UMAD1: variants seen among roughly 807,000 people sequenced by gnomAD.
UMAD1 encodes the protein UBAP1-MVB12-associated (UMA) domain containing 1.
UMAD1 carries 8 observed loss-of-function variants against 6.1 expected under a neutral mutation model. That is an observed-to-expected ratio of 1.30 (90% CI 0.76 to 2.35). UMAD1 has a LOEUF of 2.35. UMAD1 is among the 30% of genes most tolerant of loss of function. UMAD1 has a pLI of 0.00. For synonymous variants in UMAD1, 56 were observed against 31.4 expected (o/e 1.78, Z -2.61); for missense variants, 130 against 78.4 (o/e 1.66, Z -2.49).
intron 3 of UMAD1, among the ~76,000 whole-genome samples, chr7:7,803,123 G>A (rs919925321): frequency 6.6e-6 from 1 of 152,164 alleles, no homozygotes; most frequent in Non-Finnish European, 1.5e-5. Context: ...TAGGACACAA[G>A]GACATAGAAA....
intron 2 of UMAD1, among the ~76,000 whole-genome samples, chr7:7,745,563 A>G (rs993176781): frequency 1.4e-5 from 2 of 148,128 alleles, no homozygotes; most frequent in Non-Finnish European, 3.0e-5. Flanking sequence ...GAATAAATAT[A>G]AGATGGAAGC....
intron 3 of UMAD1, among the ~76,000 whole-genome samples, chr7:7,818,025 T>A (rs1401904312): frequency 6.6e-6 from 1 of 152,158 alleles, no homozygotes; most frequent in Non-Finnish European, 1.5e-5. Flanking sequence ...GCACAGGATG[T>A]GCAGGTTTGT....
intron 1 of UMAD1, among the ~76,000 whole-genome samples, chr7:7,657,144 C>T (rs1785362611): frequency 6.6e-6 from 1 of 152,102 alleles, no homozygotes; most frequent in African/African-American, 2.4e-5. Flanking sequence ...ATATCTTCTG[C>T]CCACTTTTTG....
At chr7:7,668,818 A>G (rs1426125334) in intron 1 of UMAD1, among the ~76,000 whole-genome samples, 1 of 152,246 alleles carries the variant, frequency 6.6e-6, no homozygotes, top group Non-Finnish European at 1.5e-5. Context: ...TAAGTGCTAC[A>G]GCTGGCCAGA....
chr7:7,801,823 A>G (rs1399754501), intron 3 of UMAD1, 80 bp downstream of exon 3: 3 of 695,728 alleles, frequency 4.3e-6, no homozygotes, highest in Non-Finnish European at 8.0e-6. Flanking sequence ...GATAAATAGT[A>G]ACTTCTGCTC....
intron 1 of UMAD1, among the ~76,000 whole-genome samples, chr7:7,653,671 G>A (rs1294531420): frequency 5.9e-5 from 9 of 152,224 alleles, no homozygotes; most frequent in Non-Finnish European, 8.8e-5. Flanking sequence ...GAAGTCTGAC[G>A]CTCCCAGACC....
At chr7:7,809,405 A>T (rs1782981827) in intron 3 of UMAD1, among the ~76,000 whole-genome samples, 1 of 151,928 alleles carries the variant, frequency 6.6e-6, no homozygotes, top group South Asian at 2.1e-4. Context: ...ATTTCTTTTT[A>T]AAAACTTTTA....
intron 3 of UMAD1, among the ~76,000 whole-genome samples, chr7:7,875,888 G>A (rs1414516106): frequency 1.3e-5 from 2 of 152,094 alleles, no homozygotes; most frequent in Non-Finnish European, 2.9e-5. Flanking sequence ...ACCAGCTTGG[G>A]CAACATAGTG....
chr7:7,816,569 T>C (rs779925750), intron 3 of UMAD1, among the ~76,000 whole-genome samples: 2 of 152,284 alleles, frequency 1.3e-5, no homozygotes, highest in Non-Finnish European at 2.9e-5. Flanking sequence ...AGGACATTCT[T>C]TGGGACAAAG....
intron 2 of UMAD1, among the ~76,000 whole-genome samples, chr7:7,748,481 A>G (rs1009976842): frequency 1.3e-5 from 2 of 152,120 alleles, no homozygotes; most frequent in Non-Finnish European, 2.9e-5. Flanking sequence ...AGATTGGAAT[A>G]TAAATTAATC....
intron 3 of UMAD1, among the ~76,000 whole-genome samples, chr7:7,843,414 G>A (rs879751786): frequency 2.4e-4 from 37 of 152,170 alleles, no homozygotes; most frequent in Non-Finnish European, 5.0e-4. Flanking sequence ...AAGATTGTTA[G>A]AACTTAGAGT....
intron 3 of UMAD1, among the ~76,000 whole-genome samples, chr7:7,869,020 C>T (rs1409723108): frequency 6.6e-6 from 1 of 152,290 alleles, no homozygotes; most frequent in South Asian, 2.1e-4. Flanking sequence ...TATGATTTCT[C>T]CCAAGTGAAA....
chr7:7,723,008 C>T (rs1781077889), intron 2 of UMAD1, among the ~76,000 whole-genome samples: 1 of 149,040 alleles, frequency 6.7e-6, no homozygotes, highest in African/African-American at 2.5e-5. Flanking sequence ...AGGAGATAAA[C>T]CCTGCACTGC....
chr7:7,784,511 ATTT>A (rs531022882), intron 2 of UMAD1, among the ~76,000 whole-genome samples: 5,834 of 135,724 alleles, frequency 0.043, 402 homozygotes, highest in African/African-American at 0.15. Flanking sequence ...AATTTTTTGT[ATTT>A]TTTTTTTTTT....
chr7:7,723,203 C>T (rs1282079228), intron 2 of UMAD1, among the ~76,000 whole-genome samples: 1 of 152,146 alleles, frequency 6.6e-6, no homozygotes, highest in African/African-American at 2.4e-5. Context: ...TTGAGAAGAA[C>T]TGCTTAAATT....
chr7:7,871,587 C>T (rs934206728), intron 3 of UMAD1, among the ~76,000 whole-genome samples: 2 of 152,118 alleles, frequency 1.3e-5, no homozygotes, highest in African/African-American at 4.8e-5. Context: ...CACAGTGTTC[C>T]GTATATGCTA....
At chr7:7,782,467 G>A (rs907928149) in intron 2 of UMAD1, among the ~76,000 whole-genome samples, 6 of 152,000 alleles carry the variant, frequency 3.9e-5, no homozygotes, top group East Asian at 3.9e-4. Flanking sequence ...TGTCTAAGTC[G>A]TGTGTCTACA....
In UMAD1 at chr7:7,812,057, A is replaced by T. The variant is rs12702654; in HGVS notation, c.156+10314A>T. ...TTCAAATTTGTACATTTTTGTTACC[A>T]CAACATCTGTATCCTAACTTCACCT... On this transcript the variant is annotated intron_variant, in intron 3 of 3. Transcript: ENST00000682710. Among the ~76,000 whole-genome samples, 3 of 152,272 alleles carry T rather than the reference A, an allele frequency of 2.0e-5. No individual in the cohort carries two copies. In the East Asian group the frequency reaches 5.8e-4, roughly 29 times the overall value.
At chr7:7,820,759 A>C (rs1283166031) in intron 3 of UMAD1, among the ~76,000 whole-genome samples, 1 of 152,148 alleles carries the variant, frequency 6.6e-6, no homozygotes, top group Non-Finnish European at 1.5e-5. Flanking sequence ...CATGAGGAAA[A>C]TGTACAATTC....
Sources: gnomAD v4.1 joint callset for allele counts (sites outside exome capture counted in the v4.1 genomes callset) on GRCh38, gnomAD v4.1.1 for gene constraint, MANE v1.5 for transcripts, NCBI Gene and HGNC (gene_info 2026-07-23, HGNC 2026-07-21) for gene names.